Variants in CNTNAP2 observed in about 807,000 individuals in gnomAD.
CNTNAP2 encodes the protein contactin-associated protein-like 2.
In CNTNAP2, 98 loss-of-function variants were observed where a neutral mutation model predicts 155.2. The ratio of observed to expected loss-of-function variants is 0.63; its 90% CI spans 0.54 to 0.75. The LOEUF (loss-of-function observed/expected upper bound fraction) is 0.75, where lower values mean the gene tolerates loss of function less well. Among genes scored for constraint, CNTNAP2 ranks in the 30% least tolerant of loss-of-function variants. The pLI, the probability that CNTNAP2 is intolerant of heterozygous loss-of-function variation, is 0.00. For synonymous variants in CNTNAP2, 651 were observed against 631.2 expected, an observed-to-expected ratio of 1.03 and a Z score of -0.47; for missense variants, 1,727 against 1,688.1, an observed-to-expected ratio of 1.02 and a Z score of -0.40.
intron 14 of CNTNAP2, among the ~76,000 whole-genome samples, chr7:147,954,384 T>C (rs1035079993): frequency 1.3e-5 from 2 of 151,972 alleles, no homozygotes. Flanking sequence ...TGTTTTTATG[T>C]GAGTAGAAGA....
chr7:147,459,169 T>G (rs568571452), intron 10 of CNTNAP2, among the ~76,000 whole-genome samples: 1 of 152,312 alleles, frequency 6.6e-6, no homozygotes, highest in East Asian at 1.9e-4. Context: ...GGAACTACAT[T>G]TTAATTGTAT....
chr7:147,712,513 T>C (rs1165684542), intron 13 of CNTNAP2, among the ~76,000 whole-genome samples: 2 of 152,178 alleles, frequency 1.3e-5, no homozygotes, highest in East Asian at 1.9e-4. Flanking sequence ...CCATCAATGA[T>C]AGACTGGATT....
chr7:148,297,546 G>A lies in CNTNAP2; in HGVS notation c.3475+30420G>A, dbSNP rs529935442. Among the ~76,000 whole-genome samples the A allele has an allele frequency of 4.6e-5, 7 of 152,330 alleles. No individual in the cohort carries two copies. The South Asian group carries it at 1.2e-3, about 27-fold the overall frequency. ...TCAGTAAGAGGATGCTGGAAAGAGGGTGCTAGAAAGTGCTATTCGGTTTTC... is the reference window on the plus strand; with the variant it reads ...TCAGTAAGAGGATGCTGGAAAGAGGATGCTAGAAAGTGCTATTCGGTTTTC... On this transcript the variant is annotated intron_variant, in intron 21 of 23. Coordinates refer to ENST00000361727, the MANE Select transcript of CNTNAP2 (RefSeq NM_014141.6).
chr7:147,568,849 G>A (rs1215452022), intron 12 of CNTNAP2, among the ~76,000 whole-genome samples: 1 of 151,994 alleles, frequency 6.6e-6, no homozygotes, highest in Non-Finnish European at 1.5e-5. Context: ...AGTAAATAAT[G>A]CTCGATCCAG....
At chr7:146,939,617 T>C (rs1031681446) in intron 3 of CNTNAP2, among the ~76,000 whole-genome samples, 1 of 152,206 alleles carries the variant, frequency 6.6e-6, no homozygotes, top group Non-Finnish European at 1.5e-5. Context: ...GATTCCTTGA[T>C]TCTCTTTTCC....
chr7:146,844,410 A>C (rs1338302091), intron 3 of CNTNAP2, among the ~76,000 whole-genome samples: 1 of 152,110 alleles, frequency 6.6e-6, no homozygotes, highest in African/African-American at 2.4e-5. Context: ...TAATAGGTAA[A>C]TAAAATTGCC....
At chr7:146,535,815 G>A (rs1478573684) in intron 1 of CNTNAP2, among the ~76,000 whole-genome samples, 2 of 151,724 alleles carry the variant, frequency 1.3e-5, no homozygotes, top group Non-Finnish European at 2.9e-5. Flanking sequence ...CCGTATTTAT[G>A]TCCAAAAAGT....
At chr7:146,124,103 T>C (rs1003541936) in intron 1 of CNTNAP2, among the ~76,000 whole-genome samples, 3 of 151,668 alleles carry the variant, frequency 2.0e-5, no homozygotes, top group Non-Finnish European at 4.4e-5. Context: ...TGTTGAGGGG[T>C]GGAGGGCTAG....
intron 13 of CNTNAP2, among the ~76,000 whole-genome samples, chr7:147,791,451 C>CTT (rs1240752761): frequency 3.8e-4 from 51 of 132,662 alleles, no homozygotes; most frequent in African/African-American, 1.3e-3. Context: ...GTCTCTCTCT[C>CTT]TCTTTTTTTT....
At position 146,872,006 on chromosome 7, in the gene CNTNAP2, G is replaced by A. The variant is rs140156736; in HGVS notation, c.402+32102G>A. On this transcript the variant is annotated intron_variant, in intron 3 of 23. Transcript: ENST00000361727. Reference sequence around the variant, plus strand: ...TTGACATTCTCATAATACACAACAGGATGTCTGCATGAAAATTGCCTGCAA... The same window carrying A: ...TTGACATTCTCATAATACACAACAGAATGTCTGCATGAAAATTGCCTGCAA... Among the ~76,000 whole-genome samples, 161 of 151,988 alleles carry A rather than the reference G, an allele frequency of 1.1e-3. 1 individual carries two copies. The highest frequency in any genetic ancestry group is 3.7e-3 in the African/African-American group (153 of 41,424).
intron 12 of CNTNAP2, among the ~76,000 whole-genome samples, chr7:147,583,533 A>AG (rs1800557431): frequency 9.0e-6 from 1 of 111,246 alleles, no homozygotes; most frequent in Non-Finnish European, 1.8e-5. Flanking sequence ...TATATATATA[A>AG]TGTCAAACAG....
At chr7:146,797,222 GT>G (rs774164921) in intron 2 of CNTNAP2, among the ~76,000 whole-genome samples, 5 of 152,186 alleles carry the variant, frequency 3.3e-5, no homozygotes, top group Non-Finnish European at 5.9e-5. Flanking sequence ...AATCTTATTA[GT>G]TTTCTGTTGG....
chr7:148,346,919 T>C (rs1358716042), intron 21 of CNTNAP2, among the ~76,000 whole-genome samples: 1 of 151,710 alleles, frequency 6.6e-6, no homozygotes, highest in African/African-American at 2.4e-5. Flanking sequence ...GCAAACCCAA[T>C]AGTGCTTCAC....
chr7:147,552,841 A>T (rs1285384640), intron 11 of CNTNAP2, among the ~76,000 whole-genome samples: 1 of 152,176 alleles, frequency 6.6e-6, no homozygotes. Flanking sequence ...ATCCTAGACA[A>T]GTTAACTATT....
chr7:147,287,928 C>A (rs780169390), intron 8 of CNTNAP2, among the ~76,000 whole-genome samples: 1 of 152,106 alleles, frequency 6.6e-6, no homozygotes, highest in African/African-American at 2.4e-5. Flanking sequence ...GCCCTAATGA[C>A]GGTAAGAGCA....
chr7:147,353,159 A>G (rs1468737140), intron 9 of CNTNAP2, among the ~76,000 whole-genome samples: 2 of 151,762 alleles, frequency 1.3e-5, no homozygotes, highest in Non-Finnish European at 2.9e-5. Context: ...ATATATATGT[A>G]TATGTATACT....
At position 146,853,229 on chromosome 7, in the gene CNTNAP2, G is replaced by T. The variant is rs66517603; in HGVS notation, c.402+13325G>T. Among the ~76,000 whole-genome samples the T allele has an allele frequency of 4.6e-5, 7 of 152,188 alleles. No homozygotes were observed. In the East Asian group the frequency reaches 1.3e-3, roughly 29 times the overall value. On this transcript the variant is annotated intron_variant, in intron 3 of 23. Transcript: ENST00000361727. ...ATCTTTAATATGACAGCATTTTCTT[G>T]AAATATTAATAGAAGTATTGCACTT...
intron 1 of CNTNAP2, among the ~76,000 whole-genome samples, chr7:146,171,119 G>A (rs1798383872): frequency 6.6e-6 from 1 of 152,030 alleles, no homozygotes; most frequent in South Asian, 2.1e-4. Context: ...TTGTGTGTTT[G>A]TTTTTTCATT....
chr7:147,583,242 CCA>C (rs1800543693), intron 12 of CNTNAP2, among the ~76,000 whole-genome samples: 2 of 151,844 alleles, frequency 1.3e-5, no homozygotes, highest in Admixed American at 6.6e-5. Flanking sequence ...TATGGCAGTT[CCA>C]CATAATCAGC....
Sources: allele counts gnomAD v4.1 joint callset (sites outside exome capture counted in the v4.1 genomes callset), GRCh38; gene constraint gnomAD v4.1.1; transcripts MANE v1.5; gene names NCBI Gene and HGNC (gene_info 2026-07-23, HGNC 2026-07-21).